Variants in CLIP2 observed in about 807,000 individuals in gnomAD.
CLIP2 encodes the protein CAP-Gly domain containing linker protein 2.
CLIP2 carries 41 observed loss-of-function variants against 111.7 expected under a neutral mutation model. The ratio of observed to expected loss-of-function variants is 0.37; its 90% CI spans 0.29 to 0.48. The LOEUF is 0.48. Among genes scored for constraint, CLIP2 ranks in the 20% least tolerant of loss-of-function variants. The pLI is 0.99. For synonymous variants in CLIP2, 660 were observed against 644.2 expected (o/e 1.02, Z -0.37); for missense variants, 1,160 against 1,422.1 (o/e 0.82, Z 2.96).
chr7:74,357,563 G>A, intron 6 of CLIP2, 86 bp downstream of exon 6: 1 of 1,266,040 alleles, frequency 7.9e-7, no homozygotes, highest in South Asian at 1.3e-5. Context: ...CCTGGAGGGG[G>A]TGGGTGCAGA....
At chr7:74,346,559 C>T (rs558209611) in intron 3 of CLIP2, among the ~76,000 whole-genome samples, 1 of 152,112 alleles carries the variant, frequency 6.6e-6, no homozygotes, top group African/African-American at 2.4e-5. Context: ...CCCGTCTCTA[C>T]TAAAAATACA....
At chr7:74,359,352 T>A (rs1227762911) in intron 6 of CLIP2, among the ~76,000 whole-genome samples, 1 of 146,808 alleles carries the variant, frequency 6.8e-6, no homozygotes, top group Non-Finnish European at 1.5e-5. Flanking sequence ...TCAGGTTTCT[T>A]TTTTTTTTTT....
chr7:74,388,810 G>C (rs1233447390), intron 12 of CLIP2: 1 of 213,440 alleles, frequency 4.7e-6, no homozygotes, highest in Non-Finnish European at 9.2e-6. Flanking sequence ...AAAAAAAACC[G>C]CCAGGTATGA....
At chr7:74,370,517 C>T (rs1790587710) in intron 8 of CLIP2, among the ~76,000 whole-genome samples, 1 of 151,880 alleles carries the variant, frequency 6.6e-6, no homozygotes, top group Admixed American at 6.6e-5. Flanking sequence ...CCCTTTCCTG[C>T]TCACACATCT....
chr7:74,309,823 T>A (rs1788595680), intron 1 of CLIP2, among the ~76,000 whole-genome samples: 1 of 87,936 alleles, frequency 1.1e-5, no homozygotes, highest in South Asian at 3.7e-4. Flanking sequence ...CGAGACTCCA[T>A]CTCAAAAAAA....
intron 2 of CLIP2, among the ~76,000 whole-genome samples, chr7:74,321,467 A>T (rs1006668285): frequency 6.6e-6 from 1 of 151,598 alleles, no homozygotes; most frequent in Non-Finnish European, 1.5e-5. Context: ...TATTTTATTT[A>T]TTATTATTAT....
At chr7:74,306,708 G>A (rs997364609) in intron 1 of CLIP2, among the ~76,000 whole-genome samples, 4 of 152,154 alleles carry the variant, frequency 2.6e-5, no homozygotes, top group Admixed American at 1.3e-4. Flanking sequence ...CCCCGCCCTC[G>A]CCTGTCCGTC....
Position 74,401,431 on chromosome 7 carries a change from C to G in CLIP2, c.3067-74C>G, listed in dbSNP as rs1341083656. On this transcript the variant is annotated intron_variant, in intron 15 of 16. Transcript: ENST00000223398. ...AGCCTGAGACGGTCCCATGGGAAGACCTCGCCATCTAGTGGGAAAATCGGG... is the reference window on the plus strand; with the variant it reads ...AGCCTGAGACGGTCCCATGGGAAGAGCTCGCCATCTAGTGGGAAAATCGGG... 9 of 1,439,070 alleles carry G rather than the reference C, an allele frequency of 6.3e-6. No homozygotes were observed. In the Admixed American group the frequency reaches 1.3e-4, roughly 20 times the overall value. The allele number at this position is 1,439,070 out of a possible 1,614,324, so 89.1% of individuals were successfully genotyped here.
chr7:74,382,930 A>G (rs1368826614), intron 11 of CLIP2, among the ~76,000 whole-genome samples: 1 of 151,352 alleles, frequency 6.6e-6, no homozygotes, highest in Admixed American at 6.6e-5. Flanking sequence ...CCCTCCAAAA[A>G]TTAGCCAGGT....
chr7:74,398,456 G>A (rs1052458436), intron 14 of CLIP2, among the ~76,000 whole-genome samples: 82 of 152,336 alleles, frequency 5.4e-4, no homozygotes, highest in African/African-American at 1.9e-3. Context: ...ACGATATGGA[G>A]GGCGTGGGGT....
At chr7:74,336,316 C>G (rs1198937455) in intron 2 of CLIP2, among the ~76,000 whole-genome samples, 6 of 152,114 alleles carry the variant, frequency 3.9e-5, no homozygotes, top group Non-Finnish European at 5.9e-5. Context: ...GATCCGCCCA[C>G]CTTGGCCCCG....
intron 1 of CLIP2, among the ~76,000 whole-genome samples, chr7:74,312,964 T>C (rs1217797143): frequency 6.6e-6 from 1 of 152,038 alleles, no homozygotes; most frequent in Non-Finnish European, 1.5e-5. Flanking sequence ...GGTTGGCATC[T>C]GTATTCATCA....
At chr7:74,291,872 C>A (rs1584296165) in intron 1 of CLIP2, among the ~76,000 whole-genome samples, 1 of 152,222 alleles carries the variant, frequency 6.6e-6, no homozygotes, top group East Asian at 1.9e-4. Flanking sequence ...CCCCCAGTTC[C>A]CTCTTGGCCT....
At chr7:74,323,451 A>G (rs1554730279) in intron 2 of CLIP2, among the ~76,000 whole-genome samples, 1 of 145,522 alleles carries the variant, frequency 6.9e-6, no homozygotes, top group Admixed American at 6.9e-5. Context: ...TTTTTGAGAT[A>G]GAGTTTTACT....
intron 1 of CLIP2, among the ~76,000 whole-genome samples, chr7:74,314,894 T>C (rs1788729434): frequency 6.6e-6 from 1 of 152,098 alleles, no homozygotes; most frequent in South Asian, 2.1e-4. Flanking sequence ...CCTAAACAGA[T>C]AGCATCATGC....
At position 74,404,109 on chromosome 7, in the gene CLIP2, GCAGCTTCT is replaced by G; in HGVS notation, c.*262_*269del. 2.0e-6 allele frequency: 1 copy of G among 491,638 alleles called. No homozygotes were observed. The highest frequency in any genetic ancestry group is 3.7e-6 in the Non-Finnish European group (1 of 267,084). The allele number at this position is 491,638 out of a possible 1,614,324, so 30.5% of individuals were successfully genotyped here. ...CGGGGACCTTCAGCCTGGACACCCG[GCAGCTTCT>G]GGAGTTTGTCAGTGGAGGCAGAGGG... On this transcript the variant is annotated 3_prime_UTR_variant, in exon 17 of 17. Coordinates refer to ENST00000223398, the MANE Select transcript of CLIP2 (RefSeq NM_003388.5).
At chr7:74,342,564 C>T (rs868979092) in intron 3 of CLIP2, among the ~76,000 whole-genome samples, 2 of 152,092 alleles carry the variant, frequency 1.3e-5, no homozygotes, top group Admixed American at 6.6e-5. Context: ...GTGACAGGTT[C>T]ATGGGTTAAG....
chr7:74,377,818 C>T (rs1029147449), intron 10 of CLIP2, among the ~76,000 whole-genome samples: 1 of 151,486 alleles, frequency 6.6e-6, no homozygotes, highest in Non-Finnish European at 1.5e-5. Flanking sequence ...TTTCCAGTTC[C>T]CCCACATACA....
chr7:74,381,606 C>T, intron 11 of CLIP2: 1 of 456,088 alleles, frequency 2.2e-6, no homozygotes, highest in East Asian at 7.0e-5. Context: ...TCTTTATATC[C>T]CCTTTCCAGA....
Sources: gnomAD v4.1 joint callset for allele counts (sites outside exome capture counted in the v4.1 genomes callset) on GRCh38, gnomAD v4.1.1 for gene constraint, MANE v1.5 for transcripts, NCBI Gene and HGNC (gene_info 2026-07-23, HGNC 2026-07-21) for gene names.